MMP26: variants seen among roughly 807,000 people sequenced by gnomAD.
MMP26 encodes matrix metalloproteinase-26.
A neutral mutation model predicts 31.0 loss-of-function variants in MMP26; 33 were observed. The ratio of observed to expected loss-of-function variants is 1.06; its 90% CI spans 0.81 to 1.42. MMP26 has a LOEUF of 1.42. MMP26 is among the 40% of genes most tolerant of loss of function. The probability of loss-of-function intolerance (pLI) is 0.00; values close to 1 mark genes in which losing one functional copy is unlikely to be tolerated. For synonymous variants in MMP26, 122 were observed against 114.9 expected, an observed-to-expected ratio of 1.06 and a Z score of -0.40; for missense variants, 347 against 316.1, an observed-to-expected ratio of 1.10 and a Z score of -0.74.
chr11:4,713,939 A>T (rs1197654039), intron 1 of MMP26, among the ~76,000 whole-genome samples: 1 of 152,176 alleles, frequency 6.6e-6, no homozygotes, highest in Non-Finnish European at 1.5e-5. Context: ...AAAGCCATGA[A>T]GTAGAATGAG....
intron 2 of MMP26, among the ~76,000 whole-genome samples, chr11:4,870,952 A>G (rs1564797611): frequency 1.3e-5 from 2 of 152,132 alleles, no homozygotes; most frequent in African/African-American, 4.8e-5. Flanking sequence ...AGTAGAGGAA[A>G]AAAGATCAAA....
chr11:4,780,642 G>C (rs1409815849), intron 2 of MMP26, among the ~76,000 whole-genome samples: 3 of 151,994 alleles, frequency 2.0e-5, no homozygotes, highest in Non-Finnish European at 2.9e-5. Flanking sequence ...TGTCACTTTG[G>C]AAACAGTTCA....
At chr11:4,769,490 A>G (rs1199131097) in intron 2 of MMP26, 1 of 1,613,802 alleles carries the variant, frequency 6.2e-7, no homozygotes, top group African/African-American at 1.3e-5. Context: ...CATTTGAATG[A>G]TTCTGGAATT....
chr11:4,992,301 G>C lies in MMP26; in HGVS notation c.*59G>C, dbSNP rs531513743. The stretch of plus-strand genomic sequence containing the variant: ...TCAGGGAGTTTATTGGAGGATCAAA[G>C]AACTGAAAGCACTAGAGCAGCCTTG... On this transcript the variant is annotated 3_prime_UTR_variant, in exon 8 of 8. Coordinates refer to ENST00000380390, the MANE Select transcript of MMP26 (RefSeq NM_021801.5). The C allele has an allele frequency of 7.1e-6, 11 of 1,540,168 alleles. No homozygotes were observed. The highest frequency in any genetic ancestry group is 9.8e-6 in the Non-Finnish European group (11 of 1,127,792).
At chr11:4,803,437 G>A in intron 2 of MMP26, 1 of 1,592,850 alleles carries the variant, frequency 6.3e-7, no homozygotes, top group Non-Finnish European at 8.6e-7. Flanking sequence ...CTTTGCTCAG[G>A]GGATGTTTCC....
At chr11:4,717,826 C>T (rs534929356) in intron 1 of MMP26, among the ~76,000 whole-genome samples, 3 of 152,242 alleles carry the variant, frequency 2.0e-5, no homozygotes, top group South Asian at 2.1e-4. Context: ...TGGTAAATGT[C>T]AAGAGTATTT....
intron 1 of MMP26, among the ~76,000 whole-genome samples, chr11:4,735,022 A>G (rs543902163): frequency 6.6e-6 from 1 of 152,300 alleles, no homozygotes; most frequent in Admixed American, 6.5e-5. Context: ...AGCTTCTGCA[A>G]TATGGAGCCG....
chr11:4,836,232 T>C (rs897773561), intron 2 of MMP26, among the ~76,000 whole-genome samples: 1 of 152,014 alleles, frequency 6.6e-6, no homozygotes, highest in East Asian at 1.9e-4. Flanking sequence ...ATAAGTGATA[T>C]GTTGTCATTC....
chr11:4,924,410 C>T, intron 2 of MMP26: 1 of 1,450,224 alleles, frequency 6.9e-7, no homozygotes, highest in Non-Finnish European at 9.3e-7. Context: ...AGGCTGAATT[C>T]TCACTCACCT....
At chr11:4,857,918 G>A (rs537407941) in intron 2 of MMP26, among the ~76,000 whole-genome samples, 22 of 151,998 alleles carry the variant, frequency 1.4e-4, no homozygotes, top group Admixed American at 3.9e-4. Context: ...AGGCTGGTTC[G>A]ACATATGCAA....
intron 1 of MMP26, among the ~76,000 whole-genome samples, chr11:4,745,448 T>C (rs1848367353): frequency 6.6e-6 from 1 of 152,168 alleles, no homozygotes; most frequent in African/African-American, 2.4e-5. Context: ...TAATAGACTT[T>C]GTTAGATAAG....
chr11:4,821,441 C>T, intron 2 of MMP26: 1 of 1,613,816 alleles, frequency 6.2e-7, no homozygotes, highest in Non-Finnish European at 8.5e-7. Context: ...CTCAATAATA[C>T]CATTGCTGAG....
intron 1 of MMP26, among the ~76,000 whole-genome samples, chr11:4,735,219 A>C (rs971481705): frequency 1.3e-5 from 2 of 152,244 alleles, no homozygotes; most frequent in African/African-American, 4.8e-5. Flanking sequence ...CTGTTTTCAC[A>C]ATGATTTAAC....
At chr11:4,921,787 A>G (rs1589939787) in intron 2 of MMP26, among the ~76,000 whole-genome samples, 2 of 152,360 alleles carry the variant, frequency 1.3e-5, no homozygotes, top group South Asian at 2.1e-4. Context: ...TTCACAGGGA[A>G]AGAAGAGGCT....
At chr11:4,773,105 T>G (rs1275048438) in intron 2 of MMP26, among the ~76,000 whole-genome samples, 1 of 152,118 alleles carries the variant, frequency 6.6e-6, no homozygotes, top group Non-Finnish European at 1.5e-5. Context: ...CTATCTAGAG[T>G]TTTCACCCAA....
At chr11:4,723,456 A>T in intron 1 of MMP26, 1 of 1,056,972 alleles carries the variant, frequency 9.5e-7, no homozygotes, top group Non-Finnish European at 1.5e-6. Context: ...ACAGCACCAC[A>T]GATGTGTCCG....
intron 2 of MMP26, among the ~76,000 whole-genome samples, chr11:4,927,456 T>A (rs1043485524): frequency 3.9e-5 from 6 of 152,256 alleles, no homozygotes; most frequent in African/African-American, 1.4e-4. Flanking sequence ...AAGCTAGGAC[T>A]AGAACCACAG....
chr11:4,774,846 G>A (rs116882562), intron 2 of MMP26, among the ~76,000 whole-genome samples: 1 of 152,180 alleles, frequency 6.6e-6, no homozygotes, highest in Non-Finnish European at 1.5e-5. Context: ...TTTTGCAAAT[G>A]GATAGCTAGT....
rs1293906453 is a variant in MMP26, at chr11:4,992,313, C to T, written c.*71C>T. The T allele has an allele frequency of 1.5e-5, 22 of 1,478,068 alleles. No homozygotes were observed. The highest frequency in any genetic ancestry group is 1.6e-5 in the Non-Finnish European group (17 of 1,079,002). 91.6% of individuals were successfully genotyped at this position (1,478,068 alleles called of 1,614,324 possible). ...TTGGAGGATCAAAGAACTGAAAGCA[C>T]TAGAGCAGCCTTGGGGACTGCTAGG... On this transcript the variant is annotated 3_prime_UTR_variant, in exon 8 of 8. Coordinates refer to ENST00000380390, the MANE Select transcript of MMP26 (RefSeq NM_021801.5).
Sources: allele counts gnomAD v4.1 joint callset (sites outside exome capture counted in the v4.1 genomes callset), GRCh38; gene constraint gnomAD v4.1.1; transcripts MANE v1.5; gene names NCBI Gene and HGNC (gene_info 2026-07-23, HGNC 2026-07-21).